Variants in SGCZ observed in about 807,000 individuals in gnomAD.
The protein encoded by SGCZ is zeta-sarcoglycan.
In SGCZ, 40 loss-of-function variants were observed where a neutral mutation model predicts 41.3. That is an observed-to-expected ratio of 0.97 (90% CI 0.75 to 1.26). The LOEUF is 1.26. SGCZ is among the 50% of genes most tolerant of loss of function. The probability of loss-of-function intolerance (pLI) is 0.00; values close to 1 mark genes in which losing one functional copy is unlikely to be tolerated. For missense variants in SGCZ, 552 were observed against 369.8 expected (o/e 1.49, Z -4.04); for synonymous variants, 206 against 137.5 (o/e 1.50, Z -3.49).
chr8:14,346,523 C>G (rs1802895778), intron 2 of SGCZ, among the ~76,000 whole-genome samples: 1 of 151,990 alleles, frequency 6.6e-6, no homozygotes, highest in East Asian at 1.9e-4. Context: ...TTATTTCAAG[C>G]CATAGAGTTA....
intron 2 of SGCZ, among the ~76,000 whole-genome samples, chr8:14,503,342 C>G (rs1017125438): frequency 6.6e-6 from 1 of 152,004 alleles, no homozygotes; most frequent in Non-Finnish European, 1.5e-5. Flanking sequence ...GAATACCTAA[C>G]GTAGATGATG....
intron 1 of SGCZ, among the ~76,000 whole-genome samples, chr8:15,084,489 G>A (rs570408559): frequency 6.6e-6 from 1 of 152,210 alleles, no homozygotes; most frequent in African/African-American, 2.4e-5. Flanking sequence ...GGTGGCTCAC[G>A]CCTGTAATCC....
At chr8:14,957,115 T>A (rs1800817871) in intron 1 of SGCZ, among the ~76,000 whole-genome samples, 1 of 152,184 alleles carries the variant, frequency 6.6e-6, no homozygotes, top group South Asian at 2.1e-4. Flanking sequence ...CTACATAACA[T>A]TGAACTTGAT....
chr8:14,965,008 C>G (rs1007770624), intron 1 of SGCZ, among the ~76,000 whole-genome samples: 7 of 152,048 alleles, frequency 4.6e-5, no homozygotes, highest in Admixed American at 3.3e-4. Context: ...TCTAATCCAC[C>G]CAGGAGGAGA....
intron 1 of SGCZ, among the ~76,000 whole-genome samples, chr8:15,071,065 T>C (rs1195673394): frequency 4.6e-5 from 7 of 152,304 alleles, no homozygotes; most frequent in Non-Finnish European, 1.0e-4. Context: ...GAATGCTGTT[T>C]TATTTTTCAA....
intron 3 of SGCZ, among the ~76,000 whole-genome samples, chr8:14,317,699 G>C (rs1022950436): frequency 1.3e-5 from 2 of 151,810 alleles, no homozygotes; most frequent in African/African-American, 4.8e-5. Context: ...GAAGAGCCAG[G>C]CTCCTAGATA....
chr8:14,202,052 A>C (rs1805471805), intron 4 of SGCZ, among the ~76,000 whole-genome samples: 1 of 152,142 alleles, frequency 6.6e-6, no homozygotes. Context: ...GTTCTGCTAC[A>C]ATGGTTGCAG....
intron 1 of SGCZ, among the ~76,000 whole-genome samples, chr8:15,005,363 T>C (rs1256722933): frequency 7.0e-6 from 1 of 143,750 alleles, no homozygotes; most frequent in Non-Finnish European, 1.5e-5. Flanking sequence ...TGGAGTTTCA[T>C]TCTTGTTGCC....
intron 1 of SGCZ, among the ~76,000 whole-genome samples, chr8:14,728,364 C>G (rs1415464559): frequency 7.4e-6 from 1 of 134,884 alleles, no homozygotes; most frequent in African/African-American, 2.8e-5. Context: ...AAAAGTAGAA[C>G]CAAAAGAGTG....
At chr8:14,413,829 A>G (rs1327344768) in intron 2 of SGCZ, among the ~76,000 whole-genome samples, 4 of 151,992 alleles carry the variant, frequency 2.6e-5, no homozygotes. Flanking sequence ...TAGATAGAAC[A>G]TAAATCCTAG....
intron 4 of SGCZ, among the ~76,000 whole-genome samples, chr8:14,177,799 C>G (rs974339194): frequency 2.6e-4 from 39 of 150,662 alleles, no homozygotes; most frequent in Admixed American, 2.0e-4. Flanking sequence ...GCTGGGATTA[C>G]AGGCGTGAGC....
At chr8:14,793,704 A>G (rs1801033949) in intron 1 of SGCZ, among the ~76,000 whole-genome samples, 1 of 152,066 alleles carries the variant, frequency 6.6e-6, no homozygotes, top group Non-Finnish European at 1.5e-5. Flanking sequence ...ACTGTTTGAG[A>G]AGCAGTTAGA....
intron 1 of SGCZ, among the ~76,000 whole-genome samples, chr8:14,809,313 A>G (rs1381892717): frequency 1.3e-5 from 2 of 152,200 alleles, no homozygotes; most frequent in East Asian, 1.9e-4. Flanking sequence ...AAATTTCATC[A>G]TGAATATAAG....
intron 1 of SGCZ, among the ~76,000 whole-genome samples, chr8:15,063,072 A>G (rs1804996601): frequency 6.6e-6 from 1 of 152,130 alleles, no homozygotes; most frequent in Admixed American, 6.5e-5. Flanking sequence ...TTTGCCTAGT[A>G]AAATCCTGCC....
chr8:14,478,612 T>G (rs905341302), intron 2 of SGCZ, among the ~76,000 whole-genome samples: 1 of 152,140 alleles, frequency 6.6e-6, no homozygotes, highest in African/African-American at 2.4e-5. Flanking sequence ...CTATGGATAT[T>G]GTGTTCAGAT....
At chr8:14,161,089 A>G (rs916015151) in intron 5 of SGCZ, among the ~76,000 whole-genome samples, 2 of 152,198 alleles carry the variant, frequency 1.3e-5, no homozygotes, top group East Asian at 3.9e-4. Context: ...CAGCACAGGT[A>G]TCTAATTTAT....
intron 1 of SGCZ, among the ~76,000 whole-genome samples, chr8:14,940,624 A>T (rs1800241665): frequency 6.6e-6 from 1 of 152,174 alleles, no homozygotes; most frequent in Non-Finnish European, 1.5e-5. Flanking sequence ...AAATTCATTA[A>T]ATATTCTGTT....
chr8:15,043,681 G>A (rs1480673522), intron 1 of SGCZ, among the ~76,000 whole-genome samples: 1 of 151,838 alleles, frequency 6.6e-6, no homozygotes, highest in African/African-American at 2.4e-5. Context: ...AATTTCTTAA[G>A]CTTTTCATAT....
At chr8:14,130,253 C>T (rs1802996885) in intron 5 of SGCZ, among the ~76,000 whole-genome samples, 1 of 149,760 alleles carries the variant, frequency 6.7e-6, no homozygotes, top group African/African-American at 2.5e-5. Context: ...AATTACGGTG[C>T]AAAATAAGAA....
Sources: gnomAD v4.1 joint callset for allele counts (sites outside exome capture counted in the v4.1 genomes callset) on GRCh38, gnomAD v4.1.1 for gene constraint, MANE v1.5 for transcripts, NCBI Gene and HGNC (gene_info 2026-07-23, HGNC 2026-07-21) for gene names.